Variants in ZNF398 observed in about 807,000 individuals in gnomAD.
ZNF398 encodes zinc finger DNA binding protein ZER6.
ZNF398 carries 18 observed loss-of-function variants against 41.9 expected under a neutral mutation model. The ratio of observed to expected loss-of-function variants is 0.43; its 90% CI spans 0.30 to 0.64. The LOEUF is 0.64. Ranked by LOEUF, ZNF398 falls within the 30% of genes least tolerant of loss-of-function variation. The pLI is 0.14. For synonymous variants in ZNF398, 260 were observed against 308.8 expected, an observed-to-expected ratio of 0.84 and a Z score of 1.66; for missense variants, 669 against 822.8, an observed-to-expected ratio of 0.81 and a Z score of 2.29.
chr7:149,138,440 C>T (rs1379406830), intron 2 of ZNF398, among the ~76,000 whole-genome samples: 3 of 151,756 alleles, frequency 2.0e-5, no homozygotes, highest in Non-Finnish European at 2.9e-5. Flanking sequence ...ATTATCTGGG[C>T]GTGGTGGTGC....
intron 2 of ZNF398, among the ~76,000 whole-genome samples, chr7:149,156,987 A>G (rs777627551): frequency 3.9e-5 from 6 of 152,278 alleles, no homozygotes; most frequent in Middle Eastern, 3.4e-3. Flanking sequence ...CCGAGGTCAC[A>G]TAGTTAATAT....
chr7:149,165,030 G>A (rs1396983009), intron 2 of ZNF398, among the ~76,000 whole-genome samples: 1 of 151,656 alleles, frequency 6.6e-6, no homozygotes, highest in Non-Finnish European at 1.5e-5. Context: ...GGAGGCAGAG[G>A]TTGCAGTGAG....
chr7:149,178,516 G>T, intron 5 of ZNF398, 132 bp from the exon 6 acceptor site: 2 of 716,682 alleles, frequency 2.8e-6, no homozygotes, highest in African/African-American at 1.8e-5. Context: ...CAGATGTCTC[G>T]GTTATTATTG....
intron 1 of ZNF398, chr7:149,148,077 C>G: frequency 3.1e-6 from 1 of 324,172 alleles, no homozygotes; most frequent in East Asian, 4.7e-5. Flanking sequence ...CCACGCCTGC[C>G]CGCCAGACGC....
intron 1 of ZNF398, among the ~76,000 whole-genome samples, chr7:149,128,114 G>A (rs966865685): frequency 1.4e-4 from 21 of 152,190 alleles, no homozygotes; most frequent in African/African-American, 4.8e-4. Flanking sequence ...TATGAGTGAG[G>A]AAGGCCAAGG....
intron 2 of ZNF398, among the ~76,000 whole-genome samples, chr7:149,135,611 G>A (rs1224252455): frequency 1.3e-5 from 2 of 151,806 alleles, no homozygotes; most frequent in Non-Finnish European, 2.9e-5. Context: ...CACACCTGGA[G>A]AACTTATCCA....
chr7:149,162,207 A>C (rs1026816534), intron 2 of ZNF398, among the ~76,000 whole-genome samples: 2 of 151,086 alleles, frequency 1.3e-5, no homozygotes, highest in South Asian at 2.1e-4. Flanking sequence ...TTTGAGTCGG[A>C]GTCTCGCTCT....
At chr7:149,136,175 C>A (rs1826709097) in intron 2 of ZNF398, among the ~76,000 whole-genome samples, 1 of 151,852 alleles carries the variant, frequency 6.6e-6, no homozygotes, top group South Asian at 2.1e-4. Context: ...CTATTTAAAG[C>A]TTTTAATTTA....
exon 1 of ZNF398, chr7:149,126,557 G>GGGGCAGGTGAACATGGAGA: frequency 2.3e-6 from 1 of 441,704 alleles, no homozygotes; most frequent in Non-Finnish European, 4.0e-6. Flanking sequence ...GGGAAACGGA[G>GGGGCAGGTGAACATGGAGA]GGGCAGGTGA....
intron 2 of ZNF398, among the ~76,000 whole-genome samples, chr7:149,159,602 C>T (rs1012780682): frequency 3.3e-5 from 5 of 151,710 alleles, no homozygotes; most frequent in South Asian, 2.1e-4. Flanking sequence ...GAGCTGAGAT[C>T]GCACCACTGC....
Position 149,153,908 on chromosome 7 carries a change from C to T in ZNF398, c.25-37C>T. ...AGTTTGGAGTTAGGGTTCCTTCTAACACTCAATGTCTTGTTCCATCTTTCC... is the reference window on the plus strand; with the variant it reads ...AGTTTGGAGTTAGGGTTCCTTCTAATACTCAATGTCTTGTTCCATCTTTCC... On this transcript the variant is annotated intron_variant, in intron 1 of 5. Transcript: ENST00000475153. 1.9e-6 allele frequency: 3 copies of T among 1,572,434 alleles called. 1 individual carries two copies. The highest frequency in any genetic ancestry group is 3.4e-4 in the Middle Eastern group (2 of 5,836).
chr7:149,155,559 A>G (rs912451498), intron 2 of ZNF398, among the ~76,000 whole-genome samples: 5 of 152,010 alleles, frequency 3.3e-5, no homozygotes, highest in African/African-American at 1.2e-4. Context: ...TGATTCTAAT[A>G]TATGACTAGG....
chr7:149,147,504 G>C lies in ZNF398; in HGVS notation c.-239G>C. On this transcript the variant is annotated 5_prime_UTR_variant, in exon 1 of 6. Coordinates refer to ENST00000475153, the MANE Select transcript of ZNF398 (RefSeq NM_170686.3). The surrounding 1 kb of genome is among the most constrained non-coding windows in gnomAD (Gnocchi z 5.6). ...TGAGGGGCCGCTGCGGGTGGAGTGCGGCGGAGTCGGCCTCGCGACCCCAGC... is the reference window on the plus strand; with the variant it reads ...TGAGGGGCCGCTGCGGGTGGAGTGCCGCGGAGTCGGCCTCGCGACCCCAGC... 3.1e-6 allele frequency: 1 copy of C among 318,542 alleles called. No individual in the cohort carries two copies. Among genetic ancestry groups the C allele is most frequent in the Non-Finnish European group, 5.6e-6 (1 of 179,034 alleles). 19.7% of individuals were successfully genotyped at this position (318,542 alleles called of 1,614,324 possible).
At chr7:149,165,211 ACCGAATG>A (rs1795202786) in intron 2 of ZNF398, among the ~76,000 whole-genome samples, 1 of 152,218 alleles carries the variant, frequency 6.6e-6, no homozygotes, top group Non-Finnish European at 1.5e-5. Flanking sequence ...CAGAGTTCGA[ACCGAATG>A]CTGAAAGAAA....
chr7:149,152,598 C>T (rs1794868771), intron 1 of ZNF398, among the ~76,000 whole-genome samples: 1 of 146,182 alleles, frequency 6.8e-6, no homozygotes. Flanking sequence ...CGGAGTTTTG[C>T]TCTTATTGCC....
At chr7:149,135,938 G>A (rs1016243603) in intron 2 of ZNF398, among the ~76,000 whole-genome samples, 1 of 151,892 alleles carries the variant, frequency 6.6e-6, no homozygotes, top group Non-Finnish European at 1.5e-5. Flanking sequence ...CCTGGGAGAC[G>A]GAGACTACGT....
At position 149,154,071 on chromosome 7, in the gene ZNF398, C is replaced by A. The variant is rs753057559; in HGVS notation, c.151C>A (p.Gln51Lys). ...TCTGTGGACAGTGGTGGCCGCCGTGCAGGCTATAGAGAGGAAGGTGGAGAT... is the reference window on the plus strand; with the variant it reads ...TCTGTGGACAGTGGTGGCCGCCGTGAAGGCTATAGAGAGGAAGGTGGAGAT... Reference protein sequence around the residue: ...ISLWTVVAAVQAIERKVEIHS... With the variant: ...ISLWTVVAAVKAIERKVEIHS... Residue 51 changes from glutamine (Q) to lysine (K), a missense_variant, in exon 2 of 6, where the codon CAG (glutamine) becomes AAG (lysine). Physicochemically the swap from Gln to Lys is moderately conservative, Grantham distance 53. Transcript: ENST00000475153. The A allele has an allele frequency of 1.2e-6, 2 of 1,614,050 alleles. No individual in the cohort carries two copies. The highest frequency in any genetic ancestry group is 8.5e-7 in the Non-Finnish European group (1 of 1,180,028).
At chr7:149,131,099 C>G (rs1011812167) in intron 2 of ZNF398, among the ~76,000 whole-genome samples, 4 of 152,140 alleles carry the variant, frequency 2.6e-5, no homozygotes, top group African/African-American at 7.2e-5. Flanking sequence ...ACAAATGTAA[C>G]TGTCTCAAGT....
intron 2 of ZNF398, among the ~76,000 whole-genome samples, chr7:149,136,838 G>C (rs539311352): frequency 6.7e-6 from 1 of 149,990 alleles, no homozygotes; most frequent in South Asian, 2.1e-4. Context: ...AAAATGCTGC[G>C]ATTACAGGCG....
Sources: gnomAD v4.1 joint callset for allele counts (sites outside exome capture counted in the v4.1 genomes callset) on GRCh38, gnomAD v4.1.1 for gene constraint, Gnocchi (gnomAD v3.1) non-coding constraint, MANE v1.5 for transcripts, NCBI Gene and HGNC (gene_info 2026-07-23, HGNC 2026-07-21) for gene names.